The following SCN4A variants were observed in gnomAD, a reference collection of about 807,000 sequenced individuals.
The protein encoded by SCN4A is sodium channel protein type 4 subunit alpha.
Under a neutral mutation model 162.0 loss-of-function variants are expected in SCN4A, and 83 were observed. The observed-to-expected ratio is 0.51, with a 90% CI of 0.43 to 0.61. The LOEUF (loss-of-function observed/expected upper bound fraction) is 0.61, where lower values mean the gene tolerates loss of function less well. SCN4A is among the 20% of genes least tolerant of loss of function. The pLI, the probability that SCN4A is intolerant of heterozygous loss-of-function variation, is 0.00. For synonymous variants in SCN4A, 944 were observed against 985.1 expected, an observed-to-expected ratio of 0.96 and a Z score of 0.78; for missense variants, 2,196 against 2,462.5, an observed-to-expected ratio of 0.89 and a Z score of 2.29.
intron 4 of SCN4A, among the ~76,000 whole-genome samples, 155 bp from the exon 5 acceptor site, chr17:63,971,408 T>A (rs1172557190): frequency 1.3e-5 from 2 of 151,996 alleles, no homozygotes; most frequent in Admixed American, 1.3e-4. Flanking sequence ...AAAGCTCCTC[T>A]GGGAGCCCAA....
At position 63,950,094 on chromosome 17, in the gene SCN4A, C is replaced by T. The variant is rs987759360; in HGVS notation, c.2854-566G>A. 2.0e-5 allele frequency among the ~76,000 whole-genome samples: 3 copies of T among 152,146 alleles called. No homozygotes were observed. Among genetic ancestry groups the T allele is most frequent in the African/African-American group, 7.2e-5 (3 of 41,416 alleles). Reference sequence around the variant, plus strand: ...GGAGCGGGAGTGGGGGAGGCGGGTGCTCCAGCCGGGCCAGGCTTCCTCCCA... The same window carrying T: ...GGAGCGGGAGTGGGGGAGGCGGGTGTTCCAGCCGGGCCAGGCTTCCTCCCA... On this transcript the variant is annotated intron_variant, in intron 14 of 23. Coordinates refer to ENST00000435607, the MANE Select transcript of SCN4A (RefSeq NM_000334.4). This position sits in a 1 kb window ranked among gnomAD's most constrained non-coding sequence, Gnocchi z 4.6.
Position 63,957,398 on chromosome 17 carries a change from AG to A in SCN4A, c.2139del (p.Phe714SerfsTer81). On this transcript the variant is annotated frameshift_variant, in exon 13 of 24. Transcript: ENST00000435607. LOFTEE classifies it high-confidence loss of function. ...LTLVLAIIVF[I>X]FAVVGMQLFG... ...AACAGCTGCATGCCCACCACGGCGA[AG>A]ATGAACACGATGATAGCCAGCACCA... 2 of 1,614,120 alleles carry A rather than the reference AG, an allele frequency of 1.2e-6. No individual in the cohort carries two copies. Among genetic ancestry groups the A allele is most frequent in the Non-Finnish European group, 1.7e-6 (2 of 1,179,948 alleles).
intron 15 of SCN4A, 126 bp downstream of exon 15, chr17:63,949,267 A>T: frequency 9.9e-7 from 1 of 1,005,288 alleles, no homozygotes; most frequent in Non-Finnish European, 1.4e-6. Flanking sequence ...CCACCCCTAG[A>T]CACGTGAGGC....
intron 6 of SCN4A, 64 bp from the exon 7 acceptor site, chr17:63,966,608 G>A (rs967184185): frequency 3.3e-5 from 41 of 1,251,064 alleles, no homozygotes; most frequent in South Asian, 1.2e-4. Context: ...GAGCACCTGC[G>A]CCCATTGCAC....
rs1253271212 is a variant in SCN4A, at chr17:63,964,749, T to C, written c.1243-72A>G. On this transcript the variant is annotated intron_variant, in intron 8 of 23. Coordinates refer to ENST00000435607, the MANE Select transcript of SCN4A (RefSeq NM_000334.4). ...TCCTTTGACCCAGTGCCCCTTTCCA[T>C]ACATCCATTGCCCGCATGGGTAAGC... 19 of 1,236,922 alleles carry C rather than the reference T, an allele frequency of 1.5e-5. No homozygotes were observed. The Admixed American group carries it at 3.2e-4, about 21-fold the overall frequency. The allele number at this position is 1,236,922 out of a possible 1,614,324, so 76.6% of individuals were successfully genotyped here. A position where few individuals can be genotyped will look rare whatever the true frequency, so the allele number is the denominator to read the frequency against.
At position 63,945,424 on chromosome 17, in the gene SCN4A, C is replaced by T. The variant is rs1199448030; in HGVS notation, c.3656G>A (p.Arg1219His). Residue 1219 changes from arginine (R) to histidine (H), a missense_variant, in exon 19 of 24, where the codon CGC becomes CAC. Transcript: ENST00000435607. The surrounding 1 kb of genome is among the most constrained non-coding windows in gnomAD (Gnocchi z 4.4). ...CESLMHTGQVRWLNVKVNYDN... is the reference protein window; with the variant it reads ...CESLMHTGQVHWLNVKVNYDN... The stretch of plus-strand genomic sequence containing the variant: ...GTAGTTGACCTTGACATTGAGCCAG[C>T]GGACCTGGCCTGTGTGCATGAGGCT... 9.3e-6 allele frequency: 15 copies of T among 1,613,728 alleles called. No individual in the cohort carries two copies. The highest frequency in any genetic ancestry group is 3.3e-5 in the Admixed American group (2 of 60,002).
Position 63,948,650 on chromosome 17 carries a change from G to A in SCN4A, c.3105C>T (p.Thr1035=). 1 of 1,613,900 alleles carries A rather than the reference G, an allele frequency of 6.2e-7. No individual in the cohort carries two copies. Among genetic ancestry groups the A allele is most frequent in the African/African-American group, 1.3e-5 (1 of 75,060 alleles). Residue 1035 remains threonine (T), a synonymous_variant, in exon 16 of 24, where the codon ACC becomes ACT. Coordinates refer to ENST00000435607, the MANE Select transcript of SCN4A (RefSeq NM_000334.4). ...FKIVEHNWFE[T]FIVFMILLSS... is the part of the protein sequence containing the mutation. ...TGAGCAGGATCATGAAGACAATGAA[G>A]GTCTCGAACCAGTTGTGCTCGACAA...
At chr17:63,971,934 A>G in intron 3 of SCN4A, 84 bp from the exon 4 acceptor site, 1 of 1,458,098 alleles carries the variant, frequency 6.9e-7, no homozygotes, top group Non-Finnish European at 9.6e-7. Context: ...GAAGGGAGGG[A>G]CACAGAAATG....
At position 63,944,524 on chromosome 17, in the gene SCN4A, G is replaced by C. The variant is rs1194604009; in HGVS notation, c.3912+149C>G. On this transcript the variant is annotated intron_variant, in intron 21 of 23. Coordinates refer to ENST00000435607, the MANE Select transcript of SCN4A (RefSeq NM_000334.4). The surrounding 1 kb of genome is among the most constrained non-coding windows in gnomAD (Gnocchi z 4.3). ...CAAGCCACTTGTTCAAGGTGGCCTGGTGGGACTGGGACCCAAGCTAGCTGC... is the reference window on the plus strand; with the variant it reads ...CAAGCCACTTGTTCAAGGTGGCCTGCTGGGACTGGGACCCAAGCTAGCTGC... 1 of 771,662 alleles carries C rather than the reference G, an allele frequency of 1.3e-6. No homozygotes were observed. Among genetic ancestry groups the C allele is most frequent in the Non-Finnish European group, 2.0e-6 (1 of 487,806 alleles). 47.8% of individuals were successfully genotyped at this position (771,662 alleles called of 1,614,324 possible).
intron 6 of SCN4A, 74 bp from the exon 7 acceptor site, chr17:63,966,618 C>T (rs1909455562): frequency 9.1e-7 from 1 of 1,096,148 alleles, no homozygotes; most frequent in African/African-American, 1.5e-5. Flanking sequence ...GCCCATTGCA[C>T]ACCTGTGGAC....
chr17:63,968,394 G>T, intron 5 of SCN4A, 39 bp from the exon 6 acceptor site: 1 of 1,537,362 alleles, frequency 6.5e-7, no homozygotes, highest in Non-Finnish European at 8.8e-7. Flanking sequence ...CAGGGGGCAG[G>T]GCAGGGTGAT....
chr17:63,946,152 C>T (rs1475176632), intron 18 of SCN4A, among the ~76,000 whole-genome samples: 1 of 152,220 alleles, frequency 6.6e-6, no homozygotes, highest in Admixed American at 6.5e-5. Context: ...TGACACCCCT[C>T]TCTTTTTAAG....
In SCN4A at chr17:63,964,547, A is replaced by G; in HGVS notation, c.1373T>C (p.Leu458Pro). ...CTCCTCTTTCTCCTTATCCTCGGCC[A>G]GGGTGGCCTCATTCTGCTCGGCATA... ...MAYAEQNEAT[L>P]AEDKEKEEEF... Residue 458 changes from leucine to proline, a missense_variant, in exon 9 of 24, where the codon CTG becomes CCG. Coordinates refer to ENST00000435607, the MANE Select transcript of SCN4A (RefSeq NM_000334.4). 1 of 1,614,048 alleles carries G rather than the reference A, an allele frequency of 6.2e-7. No individual in the cohort carries two copies. Among genetic ancestry groups the G allele is most frequent in the South Asian group, 1.1e-5 (1 of 91,084 alleles).
rs762834206 is a variant in SCN4A at position 63,942,000 on chromosome 17, G to A, written c.4289-7C>T. ...AGGTCAGAGAGGGCAAGGCCTGCGG[G>A]GAGAAGCTAGTGAGGACGCTGCCAC... On this transcript the variant is annotated splice_polypyrimidine_tract_variant and splice_region_variant and intron_variant, in intron 23 of 23. Coordinates refer to ENST00000435607, the MANE Select transcript of SCN4A (RefSeq NM_000334.4). This position sits in a 1 kb window ranked among gnomAD's most constrained non-coding sequence, Gnocchi z 6.2. 3 of 1,555,764 alleles carry A rather than the reference G, an allele frequency of 1.9e-6. No homozygotes were observed. Among genetic ancestry groups the A allele is most frequent in the Non-Finnish European group, 2.6e-6 (3 of 1,148,390 alleles).
Position 63,940,811 on chromosome 17 carries a change from C to T in SCN4A, c.5471G>A (p.Gly1824Glu). Residue 1824 changes from glycine (G) to glutamate (E), a missense_variant, in exon 24 of 24, where the codon GGG (glycine) becomes GAG (glutamate). Transcript: ENST00000435607. Reference sequence around the variant, plus strand: ...CTTGACACCTGGGCGCACAGTCTGCCCTGGGGGAGGGGCGGGAGGCCAGGC... The same window carrying T: ...CTTGACACCTGGGCGCACAGTCTGCTCTGGGGGAGGGGCGGGAGGCCAGGC... ...DTAWPPAPPP[G>E]QTVRPGVKES... 6.2e-7 allele frequency: 1 copy of T among 1,602,470 alleles called. No individual in the cohort carries two copies. The highest frequency in any genetic ancestry group is 1.3e-5 in the African/African-American group (1 of 74,200).
At position 63,957,409 on chromosome 17, in the gene SCN4A, A is replaced by G; in HGVS notation, c.2129T>C (p.Ile710Thr). ...LGNLTLVLAI[I>T]VFIFAVVGMQ... The stretch of plus-strand genomic sequence containing the variant: ...GCCCACCACGGCGAAGATGAACACG[A>G]TGATAGCCAGCACCAGCGTCAGGTT... The change falls in exon 13 of 24, where the codon ATC becomes ACC. Residue 710 changes from isoleucine (I) to threonine (T), a missense_variant. Transcript: ENST00000435607. 1 of 1,614,078 alleles carries G rather than the reference A, an allele frequency of 6.2e-7. No homozygotes were observed. The highest frequency in any genetic ancestry group is 8.5e-7 in the Non-Finnish European group (1 of 1,179,942).
At position 63,971,748 on chromosome 17, in the gene SCN4A, C is replaced by T. The variant is rs762894709; in HGVS notation, c.585G>A (p.Trp195Ter). ...DFTFLRDPWN[W>*]LDFSVIMMAY... ...CCATCATGATGACACTGAAGTCCAG[C>T]CAGTTCCAGGGGTCCCGGAGGAATG... Residue 195 changes from tryptophan to a stop codon, truncating the protein, a stop_gained, in exon 4 of 24, where the codon TGG (tryptophan) becomes TGA (stop). Transcript: ENST00000435607. LOFTEE classifies it high-confidence loss of function. 2 of 1,607,104 alleles carry T rather than the reference C, an allele frequency of 1.2e-6. No homozygotes were observed. Among genetic ancestry groups the T allele is most frequent in the African/African-American group, 2.7e-5 (2 of 74,836 alleles).
At position 63,945,796 on chromosome 17, in the gene SCN4A, TG is replaced by T. The variant is rs1908699209; in HGVS notation, c.3442-159del. Reference sequence around the variant, plus strand: ...CCTGCTGGGCTGTGTGTGTGCAGGTTGGGGGTGGTAAGGGGGAGGGGGAGGG... The same window carrying T: ...CCTGCTGGGCTGTGTGTGTGCAGGTTGGGGTGGTAAGGGGGAGGGGGAGGG... On this transcript the variant is annotated intron_variant, in intron 18 of 23. Transcript: ENST00000435607. This position sits in a 1 kb window ranked among gnomAD's most constrained non-coding sequence, Gnocchi z 4.4. Among the ~76,000 whole-genome samples the T allele has an allele frequency of 1.4e-5, 1 of 69,226 alleles. No individual in the cohort carries two copies. The highest frequency in any genetic ancestry group is 2.9e-5 in the Non-Finnish European group (1 of 34,984). The allele number at this position is 69,226 out of a possible 152,430, so 45.4% of individuals were successfully genotyped here.
At chr17:63,970,208 G>GTC (rs1317285423) in intron 5 of SCN4A, among the ~76,000 whole-genome samples, 1 of 152,128 alleles carries the variant, frequency 6.6e-6, no homozygotes, top group African/African-American at 2.4e-5. Flanking sequence ...GCCTTTTTGT[G>GTC]TCTCTCTCTT....
Sources: gnomAD v4.1 joint callset for allele counts (sites outside exome capture counted in the v4.1 genomes callset) on GRCh38, gnomAD v4.1.1 for gene constraint, Gnocchi (gnomAD v3.1) non-coding constraint, MANE v1.5 for transcripts, NCBI Gene and HGNC (gene_info 2026-07-23, HGNC 2026-07-21) for gene names.